Variants in TBC1D1 observed in about 807,000 individuals in gnomAD.
TBC1D1 encodes TBC1 domain family member 1, also known as TBC1 (tre-2/USP6, BUB2, cdc16) domain family, member 1.
In TBC1D1, 89 loss-of-function variants were observed where a neutral mutation model predicts 125.6. The ratio of observed to expected loss-of-function variants is 0.71; its 90% CI spans 0.60 to 0.85. TBC1D1 has a LOEUF of 0.85. TBC1D1 is among the 40% of genes least tolerant of loss of function. The pLI, the probability that TBC1D1 is intolerant of heterozygous loss-of-function variation, is 0.00. For synonymous variants in TBC1D1, 565 were observed against 564.1 expected (o/e 1.00, Z -0.02); for missense variants, 1,377 against 1,469.2 (o/e 0.94, Z 1.03).
chr4:38,022,631 G>A (rs1477985615), intron 6 of TBC1D1, among the ~76,000 whole-genome samples: 1 of 152,208 alleles, frequency 6.6e-6, no homozygotes, highest in African/African-American at 2.4e-5. Flanking sequence ...GAATGGTGGG[G>A]GTTCCTCTTG....
At chr4:38,121,131 G>A (rs899659186) in intron 17 of TBC1D1, among the ~76,000 whole-genome samples, 1 of 152,164 alleles carries the variant, frequency 6.6e-6, no homozygotes, top group African/African-American at 2.4e-5. Flanking sequence ...GTCTGTCTGT[G>A]CTGTTGTTCT....
At position 38,103,929 on chromosome 4, in the gene TBC1D1, G is replaced by T. The variant is rs866393346; in HGVS notation, c.2557+772G>T. Among the ~76,000 whole-genome samples the T allele has an allele frequency of 5.9e-5, 9 of 152,114 alleles. No individual in the cohort carries two copies. In the Middle Eastern group the frequency reaches 0.01, roughly 172 times the overall value. On this transcript the variant is annotated intron_variant, in intron 15 of 19. Transcript: ENST00000261439. Reference sequence around the variant, plus strand: ...AATCTCAGCACTTTGGGAGGCCAAGGCTGGTGGATCATGAAGTCAGGAGAT... The same window carrying T: ...AATCTCAGCACTTTGGGAGGCCAAGTCTGGTGGATCATGAAGTCAGGAGAT...
At chr4:38,060,550 G>A in intron 12 of TBC1D1, 1 of 1,009,084 alleles carries the variant, frequency 9.9e-7, no homozygotes, top group South Asian at 1.4e-5. Context: ...TCATGAGAGA[G>A]ACATATTTGC....
chr4:38,046,035 C>CA, intron 10 of TBC1D1, 132 bp downstream of exon 10: 2 of 743,368 alleles, frequency 2.7e-6, no homozygotes, highest in Admixed American at 4.4e-5. Context: ...GAGGACTGGT[C>CA]ATGCAGTTCT....
At chr4:37,972,522 G>A (rs975756304) in intron 2 of TBC1D1, among the ~76,000 whole-genome samples, 46 of 150,436 alleles carry the variant, frequency 3.1e-4, no homozygotes, top group African/African-American at 9.5e-4. Context: ...CCCAGTATAC[G>A]TACAATCCTT....
At chr4:38,100,926 C>G (rs1007629097) in intron 14 of TBC1D1, among the ~76,000 whole-genome samples, 3 of 152,180 alleles carry the variant, frequency 2.0e-5, no homozygotes, top group African/African-American at 7.2e-5. Context: ...TTTGACATTT[C>G]TGACATGGAG....
intron 2 of TBC1D1, among the ~76,000 whole-genome samples, chr4:37,969,158 T>C (rs1433079190): frequency 1.3e-5 from 2 of 152,216 alleles, no homozygotes; most frequent in African/African-American, 4.8e-5. Context: ...TGTGTGTCTA[T>C]AAACCCAGCT....
At chr4:38,097,844 T>A (rs1311745429) in intron 14 of TBC1D1, among the ~76,000 whole-genome samples, 1 of 152,238 alleles carries the variant, frequency 6.6e-6, no homozygotes, top group Non-Finnish European at 1.5e-5. Flanking sequence ...TATAGTTTTT[T>A]AGGCATTTTT....
At chr4:38,110,354 G>T in intron 15 of TBC1D1, 1 of 984,674 alleles carries the variant, frequency 1.0e-6, no homozygotes, top group African/African-American at 1.7e-5. Context: ...GGATGTGCAG[G>T]TTTAACAAGC....
intron 15 of TBC1D1, among the ~76,000 whole-genome samples, chr4:38,113,853 A>G (rs1431017232): frequency 6.6e-6 from 1 of 152,250 alleles, no homozygotes; most frequent in Non-Finnish European, 1.5e-5. Context: ...TGAAAAAAGA[A>G]TGCCTAATGT....
Position 37,977,898 on chromosome 4 carries a change from T to G in TBC1D1, c.418-36611T>G, listed in dbSNP as rs1370690751. 6.6e-6 allele frequency among the ~76,000 whole-genome samples: 1 copy of G among 152,026 alleles called. No homozygotes were observed. Among genetic ancestry groups the G allele is most frequent in the Non-Finnish European group, 1.5e-5 (1 of 67,968 alleles). On this transcript the variant is annotated intron_variant, in intron 2 of 19. Transcript: ENST00000261439. The surrounding 1 kb of genome is among the most constrained non-coding windows in gnomAD (Gnocchi z 4.3). ...ACCTCGCGGAAGTCGACCCCGCGTG[T>G]CTCCCTCGCGGGTGTCGCCCTCGTG...
At chr4:37,914,512 A>T (rs1719295812) in intron 2 of TBC1D1, among the ~76,000 whole-genome samples, 2 of 152,134 alleles carry the variant, frequency 1.3e-5, no homozygotes, top group African/African-American at 4.8e-5. Context: ...CTGAGGCGCC[A>T]TTATATCTTA....
At chr4:38,077,353 G>T (rs1334980547) in intron 12 of TBC1D1, among the ~76,000 whole-genome samples, 1 of 152,184 alleles carries the variant, frequency 6.6e-6, no homozygotes, top group African/African-American at 2.4e-5. Context: ...TAAGTTCAAG[G>T]TTCTGAATTG....
At chr4:38,091,657 C>T (rs900230990) in intron 13 of TBC1D1, among the ~76,000 whole-genome samples, 9 of 152,234 alleles carry the variant, frequency 5.9e-5, no homozygotes, top group East Asian at 1.9e-4. Flanking sequence ...AAAATGGGAA[C>T]GGTGCTCACA....
At position 38,120,368 on chromosome 4, in the gene TBC1D1, A is replaced by G. The variant is rs973533913; in HGVS notation, c.2962+2176A>G. Among the ~76,000 whole-genome samples the G allele has an allele frequency of 5.9e-5, 9 of 152,256 alleles. No individual in the cohort carries two copies. The Middle Eastern group carries it at 0.01, about 173-fold the overall frequency. On this transcript the variant is annotated intron_variant, in intron 17 of 19. Transcript: ENST00000261439. ...CCATCCCATCTTTCAGTACTTAAAA[A>G]CAGAAAAGATAGGTTTTTACAAACC...
chr4:38,130,957 C>T (rs1765487307), intron 18 of TBC1D1, among the ~76,000 whole-genome samples: 1 of 152,322 alleles, frequency 6.6e-6, no homozygotes, highest in East Asian at 1.9e-4. Context: ...TCTTTTCTTT[C>T]CCCAAGTAAT....
intron 12 of TBC1D1, among the ~76,000 whole-genome samples, chr4:38,071,056 C>T (rs2152510872): frequency 6.6e-6 from 1 of 152,306 alleles, no homozygotes; most frequent in East Asian, 1.9e-4. Context: ...CTTGGCATGA[C>T]CAGTGATTTG....
intron 4 of TBC1D1, among the ~76,000 whole-genome samples, chr4:38,019,901 TA>T (rs1470321666): frequency 6.6e-6 from 1 of 152,222 alleles, no homozygotes; most frequent in Non-Finnish European, 1.5e-5. Context: ...ATATTTTAAA[TA>T]TTTTTTTAAC....
At chr4:37,925,600 C>T (rs1169991939) in intron 2 of TBC1D1, among the ~76,000 whole-genome samples, 1 of 150,290 alleles carries the variant, frequency 6.7e-6, no homozygotes, top group Non-Finnish European at 1.5e-5. Context: ...CCTGTAGTCC[C>T]AGCTACTTAG....
Sources: allele counts gnomAD v4.1 joint callset (sites outside exome capture counted in the v4.1 genomes callset), GRCh38; gene constraint gnomAD v4.1.1; non-coding constraint Gnocchi (gnomAD v3.1); transcripts MANE v1.5; gene names NCBI Gene and HGNC (gene_info 2026-07-23, HGNC 2026-07-21).